Variants in ATG4B observed in about 807,000 individuals in gnomAD.
ATG4B encodes the protein cysteine protease ATG4B.
A neutral mutation model predicts 56.6 loss-of-function variants in ATG4B; 29 were observed. That is an observed-to-expected ratio of 0.51 (90% confidence interval 0.38 to 0.70). The LOEUF (loss-of-function observed/expected upper bound fraction) is 0.70. Ranked by LOEUF, ATG4B falls within the 30% of genes least tolerant of loss-of-function variation. The pLI is 0.00. For missense variants in ATG4B, 461 were observed against 515.5 expected (o/e 0.89, Z 1.02); for synonymous variants, 224 against 206.1 (o/e 1.09, Z -0.74).
intron 1 of ATG4B, among the ~76,000 whole-genome samples, chr2:241,648,956 A>G (rs989581682): frequency 5.3e-5 from 8 of 152,274 alleles, no homozygotes; most frequent in Non-Finnish European, 1.0e-4. Context: ...TGTTAATGAC[A>G]GAGCGGACAT....
chr2:241,651,992 G>A lies in ATG4B; in HGVS notation c.184+657G>A, dbSNP rs182633109. 7.7e-4 allele frequency: 1,002 copies of A among 1,302,754 alleles called. 17 individuals carry two copies. In the Admixed American group the frequency reaches 0.021, roughly 28 times the overall value. The allele number at this position is 1,302,754 out of a possible 1,614,324, so 80.7% of individuals were successfully genotyped here. On this transcript the variant is annotated intron_variant, in intron 3 of 12. Transcript: ENST00000404914. This position sits in a 1 kb window ranked among gnomAD's most constrained non-coding sequence, Gnocchi z 4.1. ...GGCCGGAGGTGAGGGCCGGGCTGGC[G>A]TCATGCTTCCTCAGTGCCAGGTCAG...
At chr2:241,664,730 G>C (rs796411326) in intron 7 of ATG4B, among the ~76,000 whole-genome samples, 161 of 152,308 alleles carry the variant, frequency 1.1e-3, no homozygotes, top group African/African-American at 3.7e-3. Flanking sequence ...TCGGGAGGCT[G>C]AGGTGAGCAG....
At chr2:241,653,990 GAAAAA>G (rs34757883) in intron 4 of ATG4B, among the ~76,000 whole-genome samples, 4 of 72,910 alleles carry the variant, frequency 5.5e-5, no homozygotes, top group East Asian at 4.2e-4. Flanking sequence ...GACCCTATCT[GAAAAA>G]AAAAAAAAAA....
chr2:241,662,008 A>G (rs2068607482), intron 7 of ATG4B, among the ~76,000 whole-genome samples: 1 of 152,182 alleles, frequency 6.6e-6, no homozygotes, highest in Admixed American at 6.5e-5. Flanking sequence ...GAATCACAAT[A>G]GCTGGAACTC....
chr2:241,655,194 T>A, intron 5 of ATG4B, 77 bp from the exon 6 acceptor site: 7 of 1,464,730 alleles, frequency 4.8e-6, no homozygotes, highest in Non-Finnish European at 6.6e-6. Flanking sequence ...CTGTGACGTG[T>A]CTCCTGGCAC....
chr2:241,661,871 A>C lies in ATG4B; in HGVS notation c.538+2684A>C, dbSNP rs563702364. On this transcript the variant is annotated intron_variant, in intron 7 of 12. Coordinates refer to ENST00000404914, the MANE Select transcript of ATG4B (RefSeq NM_013325.5). The stretch of plus-strand genomic sequence containing the variant: ...AGACCTTTCTAACGACAGTAGACAG[A>C]ATGTCACTGAATGTAGGGAGGAAAT... Among the ~76,000 whole-genome samples the C allele has an allele frequency of 3.9e-5, 6 of 152,320 alleles. No homozygotes were observed. In the South Asian group the frequency reaches 6.2e-4, roughly 16 times the overall value.
chr2:241,669,352 G>A (rs907854238), intron 10 of ATG4B, among the ~76,000 whole-genome samples: 2 of 152,144 alleles, frequency 1.3e-5, no homozygotes, highest in African/African-American at 2.4e-5. Context: ...TGGATGCTCC[G>A]CCCCATTTAG....
intron 1 of ATG4B, among the ~76,000 whole-genome samples, chr2:241,647,432 C>CA (rs1465979885): frequency 6.6e-6 from 1 of 151,306 alleles, no homozygotes; most frequent in African/African-American, 2.4e-5. Context: ...TCCTGGCTAA[C>CA]ACAGTGAAAC....
chr2:241,654,711 T>C, intron 5 of ATG4B, 64 bp downstream of exon 5: 1 of 1,342,434 alleles, frequency 7.4e-7, no homozygotes, highest in Non-Finnish European at 1.0e-6. Context: ...AGTGGTCGGT[T>C]TCCCCTCAGA....
chr2:241,639,204 G>A (rs773787528), intron 1 of ATG4B, among the ~76,000 whole-genome samples: 4 of 152,238 alleles, frequency 2.6e-5, no homozygotes, highest in Non-Finnish European at 5.9e-5. Flanking sequence ...CTTACAGCTA[G>A]ACATGTGGCA....
rs748656699 is a variant in ATG4B, at chr2:241,654,635, A to G, written c.373A>G (p.Ile125Val). 17 of 1,596,954 alleles carry G rather than the reference A, an allele frequency of 1.1e-5. No homozygotes were observed. Among genetic ancestry groups the G allele is most frequent in the Non-Finnish European group, 1.3e-5 (15 of 1,171,860 alleles). Residue 125 changes from isoleucine (I) to valine (V), a missense_variant, in exon 5 of 13, where the codon ATT becomes GTT. Coordinates refer to ENST00000404914, the MANE Select transcript of ATG4B (RefSeq NM_013325.5). Reference sequence around the variant, plus strand: ...CGACAGGAAGGACAGTTACTACTCCATTCACCAGATAGGTGGGAGGCTGCA... The same window carrying G: ...CGACAGGAAGGACAGTTACTACTCCGTTCACCAGATAGGTGGGAGGCTGCA... ...FIDRKDSYYS[I>V]HQIAQMGVGE...
chr2:241,637,809 C>T, intron 1 of ATG4B, 85 bp downstream of exon 1: 6 of 1,436,170 alleles, frequency 4.2e-6, no homozygotes, highest in East Asian at 2.9e-5. Context: ...GCTGCCGCGA[C>T]TCGCCTCGGG....
At chr2:241,638,190 A>G (rs1049753179) in intron 1 of ATG4B, 2 of 152,662 alleles carry the variant, frequency 1.3e-5, no homozygotes, top group African/African-American at 2.4e-5. Flanking sequence ...AGTTATTGGT[A>G]GGTTGGAGGA....
intron 1 of ATG4B, 106 bp from the exon 2 acceptor site, chr2:241,650,904 A>T: frequency 1.1e-6 from 1 of 930,522 alleles, no homozygotes; most frequent in Non-Finnish European, 1.6e-6. Context: ...TGTTACAAGA[A>T]TTTACAGTTG....
chr2:241,653,099 T>C (rs2068270737), intron 3 of ATG4B, among the ~76,000 whole-genome samples: 1 of 152,228 alleles, frequency 6.6e-6, no homozygotes, highest in South Asian at 2.1e-4. Flanking sequence ...AGGGCTGAGT[T>C]GCTGCCCTTG....
Position 241,651,970 on chromosome 2 carries a change from C to G in ATG4B, c.184+635C>G, listed in dbSNP as rs552615637. On this transcript the variant is annotated intron_variant, in intron 3 of 12. Transcript: ENST00000404914. The surrounding 1 kb of genome is among the most constrained non-coding windows in gnomAD (Gnocchi z 4.1). ...CCTCTCACCGGCGGAGAACTGAGGC[C>G]GGAGGTGAGGGCCGGGCTGGCGTCA... is the stretch of plus-strand genomic sequence containing the variant. 7.7e-7 allele frequency: 1 copy of G among 1,303,940 alleles called. No homozygotes were observed. The highest frequency in any genetic ancestry group is 1.0e-6 in the Non-Finnish European group (1 of 988,758). The allele number at this position is 1,303,940 out of a possible 1,614,324, so 80.8% of individuals were successfully genotyped here. A position where few individuals can be genotyped will look rare whatever the true frequency, so the allele number is the denominator to read the frequency against.
chr2:241,673,453 G>A lies in ATG4B; in HGVS notation c.*1189G>A. 2.5e-6 allele frequency: 1 copy of A among 396,420 alleles called. No homozygotes were observed. The highest frequency in any genetic ancestry group is 2.7e-5 in the Admixed American group (1 of 37,592). The allele number at this position is 396,420 out of a possible 1,614,324, so 24.6% of individuals were successfully genotyped here. On this transcript the variant is annotated 3_prime_UTR_variant, in exon 13 of 13. Coordinates refer to ENST00000404914, the MANE Select transcript of ATG4B (RefSeq NM_013325.5). Reference sequence around the variant, plus strand: ...TGAGCAGCTACTGCGGCGTTGGCAGGACTCGCTGCTGCTGCTGCTGCTTGT... The same window carrying A: ...TGAGCAGCTACTGCGGCGTTGGCAGAACTCGCTGCTGCTGCTGCTGCTTGT...
intron 6 of ATG4B, 184 bp downstream of exon 6, chr2:241,655,527 A>G (rs1181777117): frequency 1.6e-6 from 1 of 628,810 alleles, no homozygotes; most frequent in Admixed American, 2.9e-5. Context: ...ATGTTTTCTA[A>G]CAAAATGAAC....
intron 10 of ATG4B, among the ~76,000 whole-genome samples, chr2:241,669,033 TCCACCCACCCC>T (rs2068872452): frequency 1.0e-5 from 1 of 99,816 alleles, no homozygotes; most frequent in African/African-American, 3.1e-5. Context: ...GGGCGGCCCC[TCCACCCACCCC>T]TGCACCACCT....
Sources: gnomAD v4.1 joint callset for allele counts (sites outside exome capture counted in the v4.1 genomes callset) on GRCh38, gnomAD v4.1.1 for gene constraint, Gnocchi (gnomAD v3.1) non-coding constraint, MANE v1.5 for transcripts, NCBI Gene and HGNC (gene_info 2026-07-23, HGNC 2026-07-21) for gene names.